The following SRSF10 variants were observed in gnomAD, a reference collection of about 807,000 sequenced individuals.
The protein encoded by SRSF10 is serine/arginine-rich splicing factor 10.
A neutral mutation model predicts 32.6 loss-of-function variants in SRSF10; 9 were observed. The observed-to-expected ratio is 0.28, with a 90% CI of 0.17 to 0.48. The LOEUF (loss-of-function observed/expected upper bound fraction) is 0.48. SRSF10 is among the 20% of genes least tolerant of loss of function. The pLI, the probability that SRSF10 is intolerant of heterozygous loss-of-function variation, is 0.99. For synonymous variants in SRSF10, 105 were observed against 112.4 expected (o/e 0.93, Z 0.42); for missense variants, 201 against 331.8 (o/e 0.61, Z 3.06).
In SRSF10 at chr1:23,970,607, C is replaced by T. The variant is rs1259501704; in HGVS notation, c.*535G>A. ...AACTCCTGACCTCGTGATCCGCCCG[C>T]CTCGGCCTCCCAAAGTGCTGGGATT... On this transcript the variant is annotated 3_prime_UTR_variant, in exon 6 of 6. Transcript: ENST00000492112. The T allele has an allele frequency of 2.2e-6, 2 of 915,962 alleles. No individual in the cohort carries two copies. Among genetic ancestry groups the T allele is most frequent in the South Asian group, 1.0e-4 (2 of 19,874 alleles). The allele number at this position is 915,962 out of a possible 1,614,324, so 56.7% of individuals were successfully genotyped here. A position where few individuals can be genotyped will look rare whatever the true frequency, so the allele number is the denominator to read the frequency against.
chr1:23,978,504 A>G, intron 2 of SRSF10: 1 of 689,430 alleles, frequency 1.5e-6, no homozygotes, highest in African/African-American at 1.8e-5. Context: ...TGAGTTTCAG[A>G]AGCATGAATG....
In SRSF10 at chr1:23,970,962, G is replaced by A. The variant is rs1641720898; in HGVS notation, c.*180C>T. On this transcript the variant is annotated 3_prime_UTR_variant, in exon 6 of 6. Transcript: ENST00000492112. ...AGCTGCCCATAACATTAAACAAACTGGACTCTTAAGAGTGGCTTCTCAACA... is the reference window on the plus strand; with the variant it reads ...AGCTGCCCATAACATTAAACAAACTAGACTCTTAAGAGTGGCTTCTCAACA... The A allele has an allele frequency of 3.0e-6, 4 of 1,350,128 alleles. No homozygotes were observed. In the African/African-American group the frequency reaches 6.0e-5, roughly 20 times the overall value. 83.6% of individuals were successfully genotyped at this position (1,350,128 alleles called of 1,614,324 possible).
intron 2 of SRSF10, chr1:23,976,376 C>T (rs1488774396): frequency 6.6e-6 from 1 of 152,130 alleles, no homozygotes; most frequent in Non-Finnish European, 1.5e-5. Flanking sequence ...TTCCCGAGGC[C>T]ATTATGAACA....
At position 23,970,949 on chromosome 1, in the gene SRSF10, CATT is replaced by C; in HGVS notation, c.*190_*192del. 7.6e-7 allele frequency: 1 copy of C among 1,319,190 alleles called. No homozygotes were observed. The highest frequency in any genetic ancestry group is 9.6e-7 in the Non-Finnish European group (1 of 1,036,940). 81.7% of individuals were successfully genotyped at this position (1,319,190 alleles called of 1,614,324 possible). A position where few individuals can be genotyped will look rare whatever the true frequency, so the allele number is the denominator to read the frequency against. On this transcript the variant is annotated 3_prime_UTR_variant, in exon 6 of 6. Coordinates refer to ENST00000492112, the MANE Select transcript of SRSF10 (RefSeq NM_054016.4). Reference sequence around the variant, plus strand: ...ACCACAAATTGGTAGCTGCCCATAACATTAAACAAACTGGACTCTTAAGAGTGG... The same window carrying C: ...ACCACAAATTGGTAGCTGCCCATAACAAACAAACTGGACTCTTAAGAGTGG...
rs1641586722 is a variant in SRSF10 at position 23,968,835 on chromosome 1, A to T, written c.*2307T>A. Among the ~76,000 whole-genome samples, 1 of 152,188 alleles carries T rather than the reference A, an allele frequency of 6.6e-6. No individual in the cohort carries two copies. The highest frequency in any genetic ancestry group is 6.5e-5 in the Admixed American group (1 of 15,288). On this transcript the variant is annotated 3_prime_UTR_variant, in exon 6 of 6. Transcript: ENST00000492112. Reference sequence around the variant, plus strand: ...AATTTCATCTTAACACTACCAAATAACCTCTTAAGTTAGTTAACCCAAGAG... The same window carrying T: ...AATTTCATCTTAACACTACCAAATATCCTCTTAAGTTAGTTAACCCAAGAG...
chr1:23,976,168 T>A (rs1455509573), intron 2 of SRSF10: 2 of 152,158 alleles, frequency 1.3e-5, no homozygotes, highest in African/African-American at 4.8e-5. Context: ...AGTTTGCACA[T>A]TTCTTTTTCC....
In SRSF10 at chr1:23,965,322, T is replaced by C. The variant is rs966332161; in HGVS notation, c.*5820A>G. The C allele has an allele frequency of 1.2e-4, 18 of 151,996 alleles. No individual in the cohort carries two copies. Among genetic ancestry groups the C allele is most frequent in the Non-Finnish European group, 2.5e-4 (17 of 67,860 alleles). The allele number at this position is 151,996 out of a possible 1,614,324, so 9.4% of individuals were successfully genotyped here. On this transcript the variant is annotated 3_prime_UTR_variant, in exon 6 of 6. Coordinates refer to ENST00000492112, the MANE Select transcript of SRSF10 (RefSeq NM_054016.4). The stretch of plus-strand genomic sequence containing the variant: ...TTTGTAAACAGGAACATGGTCAAAA[T>C]GCAATACAATGGAAAATCTCTACAA...
In SRSF10 at chr1:23,969,641, C is replaced by G; in HGVS notation, c.*1501G>C. On this transcript the variant is annotated 3_prime_UTR_variant, in exon 6 of 6. Coordinates refer to ENST00000492112, the MANE Select transcript of SRSF10 (RefSeq NM_054016.4). ...AAGCAATCTGAGATTTTTAAAGATG[C>G]TAGCTTTTTATTCTGAAATGAAATT... 1 of 985,154 alleles carries G rather than the reference C, an allele frequency of 1.0e-6. No individual in the cohort carries two copies. Among genetic ancestry groups the G allele is most frequent in the South Asian group, 4.7e-5 (1 of 21,284 alleles). 61.0% of individuals were successfully genotyped at this position (985,154 alleles called of 1,614,324 possible).
In SRSF10 at chr1:23,969,080, TTTCC is replaced by T. The variant is rs1641600326; in HGVS notation, c.*2058_*2061del. The T allele has an allele frequency of 1.0e-6, 1 of 963,532 alleles. No individual in the cohort carries two copies. Among genetic ancestry groups the T allele is most frequent in the Non-Finnish European group, 1.2e-6 (1 of 809,700 alleles). The allele number at this position is 963,532 out of a possible 1,614,324, so 59.7% of individuals were successfully genotyped here. A position where few individuals can be genotyped will look rare whatever the true frequency, so the allele number is the denominator to read the frequency against. On this transcript the variant is annotated 3_prime_UTR_variant, in exon 6 of 6. Coordinates refer to ENST00000492112, the MANE Select transcript of SRSF10 (RefSeq NM_054016.4). Reference sequence around the variant, plus strand: ...CTGTAATAATTCCAGTTAATCATTATTTCCTTCATTTTGTTTTTATTATAGCATG... The same window carrying T: ...CTGTAATAATTCCAGTTAATCATTATTTCATTTTGTTTTTATTATAGCATG...
Position 23,971,196 on chromosome 1 carries a change from A to C in SRSF10, c.735T>G (p.Ser245=). 1 of 1,613,988 alleles carries C rather than the reference A, an allele frequency of 6.2e-7. No homozygotes were observed. The highest frequency in any genetic ancestry group is 8.5e-7 in the Non-Finnish European group (1 of 1,179,976). ...SKSQSRSQSR[S]RSKSRSRSWT... ...AAGACCTTGATCTAGATTTTGACCT[A>C]GACCTAGACTGTGATCTTGACTGAG... Residue 245 remains serine, a synonymous_variant, in exon 6 of 6, where the codon TCT becomes TCG. Coordinates refer to ENST00000492112, the MANE Select transcript of SRSF10 (RefSeq NM_054016.4).
chr1:23,977,088 T>C (rs1642139405), intron 2 of SRSF10: 1 of 152,164 alleles, frequency 6.6e-6, no homozygotes, highest in Admixed American at 6.5e-5. Context: ...ATATAGCTAT[T>C]ATTTTCTCTG....
At position 23,971,603 on chromosome 1, in the gene SRSF10, C is replaced by T. The variant is rs2148500455; in HGVS notation, c.461G>A (p.Arg154Gln). 6 of 1,610,946 alleles carry T rather than the reference C, an allele frequency of 3.7e-6. No homozygotes were observed. Among genetic ancestry groups the T allele is most frequent in the East Asian group, 2.2e-5 (1 of 44,866 alleles). The change falls in exon 5 of 6, where the codon CGG (arginine) becomes CAG (glutamine). Residue 154 changes from arginine (R) to glutamine (Q), a missense_variant. Arg to Gln is a conservative substitution (Grantham distance 43). Transcript: ENST00000492112. Reference sequence around the variant, plus strand: ...ATTGTCGGAATGGCTTCTGCTACGCCGTGGTCTTCCAGTCGGTCTACTGCT... The same window carrying T: ...ATTGTCGGAATGGCTTCTGCTACGCTGTGGTCTTCCAGTCGGTCTACTGCT... ...PRNSRPTGRP[R>Q]RSRSHSDNDR...
At chr1:23,978,331 T>C (rs1365123843) in intron 2 of SRSF10, 12 of 995,768 alleles carry the variant, frequency 1.2e-5, no homozygotes, top group Middle Eastern at 5.1e-4. Context: ...GTTTACCTCA[T>C]TGTTATACAA....
intron 3 of SRSF10, among the ~76,000 whole-genome samples, chr1:23,973,794 T>C (rs1269399002): frequency 2.0e-5 from 3 of 152,196 alleles, no homozygotes; most frequent in Non-Finnish European, 2.9e-5. Context: ...AGACCCTAAG[T>C]AGAATAATAA....
intron 1 of SRSF10, among the ~76,000 whole-genome samples, chr1:23,979,412 A>G (rs1203623584): frequency 6.6e-6 from 1 of 152,226 alleles, no homozygotes; most frequent in Non-Finnish European, 1.5e-5. Flanking sequence ...TTCTGTGTGT[A>G]GATTCATTAT....
intron 1 of SRSF10, 88 bp downstream of exon 1, chr1:23,980,102 TC>T: frequency 3.7e-6 from 5 of 1,364,918 alleles, no homozygotes; most frequent in East Asian, 2.9e-5. Flanking sequence ...CTCCGTCCCC[TC>T]CCCCGGCCCA....
chr1:23,971,658 A>G, intron 4 of SRSF10, 32 bp from the exon 5 acceptor site: 2 of 1,601,142 alleles, frequency 1.2e-6, no homozygotes, highest in East Asian at 2.2e-5. Flanking sequence ...GCAGTGACAA[A>G]TATCTATTCA....
In SRSF10 at chr1:23,978,698, C is replaced by T; in HGVS notation, c.170+15G>A. The T allele has an allele frequency of 6.2e-7, 1 of 1,606,848 alleles. No homozygotes were observed. On this transcript the variant is annotated intron_variant, in intron 2 of 5. Coordinates refer to ENST00000492112, the MANE Select transcript of SRSF10 (RefSeq NM_054016.4). Reference sequence around the variant, plus strand: ...TCAACACCCCTCACTAATCAGCCATCTGAAGAAAGGATATTGAACATAAGC... The same window carrying T: ...TCAACACCCCTCACTAATCAGCCATTTGAAGAAAGGATATTGAACATAAGC...
intron 1 of SRSF10, among the ~76,000 whole-genome samples, chr1:23,979,867 T>G (rs1468755413): frequency 2.1e-5 from 3 of 141,226 alleles, no homozygotes; most frequent in East Asian, 2.1e-4. Flanking sequence ...TTCAAATCAA[T>G]GGGGGGCGGC....
Sources: gnomAD v4.1 joint callset for allele counts (sites outside exome capture counted in the v4.1 genomes callset) on GRCh38, gnomAD v4.1.1 for gene constraint, MANE v1.5 for transcripts, NCBI Gene and HGNC (gene_info 2026-07-23, HGNC 2026-07-21) for gene names.